The following FMNL2 variants were observed in gnomAD, a reference collection of about 807,000 sequenced individuals.
FMNL2 encodes the protein formin-like protein 2.
FMNL2 carries 51 observed loss-of-function variants against 130.2 expected under a neutral mutation model. That is an observed-to-expected ratio of 0.39 (90% CI 0.31 to 0.49). The LOEUF is 0.49. Among genes scored for constraint, FMNL2 ranks in the 20% least tolerant of loss-of-function variants. The probability of loss-of-function intolerance (pLI) is 0.85; values close to 1 mark genes in which losing one functional copy is unlikely to be tolerated. For missense variants in FMNL2, 977 were observed against 1,316.2 expected (o/e 0.74, Z 3.99); for synonymous variants, 465 against 467.1 (o/e 1.00, Z 0.06).
chr2:152,646,283 G>A (rs940864606), intron 25 of FMNL2, among the ~76,000 whole-genome samples: 1 of 152,126 alleles, frequency 6.6e-6, no homozygotes, highest in Non-Finnish European at 1.5e-5. Context: ...AGTGAGCAGA[G>A]ATCACCACTA....
At chr2:152,408,735 C>T (rs1686131439) in intron 1 of FMNL2, among the ~76,000 whole-genome samples, 1 of 152,118 alleles carries the variant, frequency 6.6e-6, no homozygotes, top group Non-Finnish European at 1.5e-5. Flanking sequence ...TTGGCAAAAC[C>T]ATCTAACACA....
chr2:152,489,067 C>T (rs1032994434), intron 1 of FMNL2, among the ~76,000 whole-genome samples: 1 of 152,146 alleles, frequency 6.6e-6, no homozygotes, highest in East Asian at 1.9e-4. Context: ...AGACCCTGTC[C>T]AGCAGGGTAG....
At chr2:152,566,635 A>G (rs1695855138) in intron 6 of FMNL2, among the ~76,000 whole-genome samples, 1 of 152,222 alleles carries the variant, frequency 6.6e-6, no homozygotes, top group Non-Finnish European at 1.5e-5. Flanking sequence ...GCCAAGGGTT[A>G]AGGATACAGA....
chr2:152,437,022 A>G (rs1389748463), intron 1 of FMNL2, among the ~76,000 whole-genome samples: 1 of 152,190 alleles, frequency 6.6e-6, no homozygotes, highest in Non-Finnish European at 1.5e-5. Flanking sequence ...GTGTCTGGTG[A>G]AGGTATGCTT....
intron 2 of FMNL2, among the ~76,000 whole-genome samples, chr2:152,532,895 A>C (rs1291091036): frequency 6.6e-6 from 1 of 152,192 alleles, no homozygotes. Flanking sequence ...GGTGTGAGCC[A>C]CTGCGCCTGG....
intron 1 of FMNL2, among the ~76,000 whole-genome samples, chr2:152,392,889 G>C (rs1206525181): frequency 6.6e-6 from 1 of 152,092 alleles, no homozygotes; most frequent in African/African-American, 2.4e-5. Context: ...GCTAAGAGTG[G>C]GAGGGGAGAG....
intron 1 of FMNL2, among the ~76,000 whole-genome samples, chr2:152,428,667 G>A (rs770862532): frequency 6.6e-6 from 1 of 152,098 alleles, no homozygotes; most frequent in Admixed American, 6.6e-5. Flanking sequence ...GAATATCTAG[G>A]GAGGTTGAGA....
rs1371958299 is a variant in FMNL2, at chr2:152,456,347, A to G, written c.118-65596A>G. Among the ~76,000 whole-genome samples the G allele has an allele frequency of 3.3e-5, 5 of 152,208 alleles. No homozygotes were observed. In the East Asian group the frequency reaches 9.6e-4, roughly 29 times the overall value. On this transcript the variant is annotated intron_variant, in intron 1 of 25. Coordinates refer to ENST00000288670, the MANE Select transcript of FMNL2 (RefSeq NM_052905.4). ...CTCTTACCTGTTTTAGTGAGTCAGA[A>G]GCAAGAAGAGTGCTAGAATGTTGAT... is the stretch of plus-strand genomic sequence containing the variant.
intron 1 of FMNL2, among the ~76,000 whole-genome samples, chr2:152,344,398 T>C (rs1443862310): frequency 6.6e-6 from 1 of 151,902 alleles, no homozygotes; most frequent in Non-Finnish European, 1.5e-5. Context: ...ATGAGTGTAA[T>C]AGAAAAGGGA....
chr2:152,359,396 C>G (rs1683028906), intron 1 of FMNL2, among the ~76,000 whole-genome samples: 5 of 151,978 alleles, frequency 3.3e-5, no homozygotes, highest in Admixed American at 1.3e-4. Context: ...TTTGAGTCCC[C>G]TGGCTCCTAA....
chr2:152,531,981 G>A (rs1033093294), intron 2 of FMNL2, among the ~76,000 whole-genome samples: 8 of 152,120 alleles, frequency 5.3e-5, no homozygotes, highest in African/African-American at 1.4e-4. Context: ...CAGTGAAGTC[G>A]TATTAATGGT....
chr2:152,412,449 TATATATATATATATATATATATATA>T (rs1558840738), intron 1 of FMNL2, among the ~76,000 whole-genome samples: 161 of 10,340 alleles, frequency 0.016, 5 homozygotes, highest in East Asian at 0.043. Context: ...GTATATTTTA[TATATATATATATATATATATATATA>T]TATATATATA....
chr2:152,635,829 C>T (rs752629306), intron 21 of FMNL2, among the ~76,000 whole-genome samples: 2 of 152,180 alleles, frequency 1.3e-5, no homozygotes, highest in Non-Finnish European at 2.9e-5. Context: ...TCAATACAAC[C>T]TATGGTCAAC....
At chr2:152,602,121 A>T (rs886191298) in intron 9 of FMNL2, among the ~76,000 whole-genome samples, 1 of 152,190 alleles carries the variant, frequency 6.6e-6, no homozygotes, top group African/African-American at 2.4e-5. Context: ...TTCTACCCTT[A>T]TAGCCCTTTA....
Position 152,619,637 on chromosome 2 carries a change from C to T in FMNL2, c.1756C>T (p.Pro586Ser). The change falls in exon 15 of 26, where the codon CCC becomes TCC. Residue 586 changes from proline to serine, a missense_variant. Pro to Ser is a moderately conservative substitution (Grantham distance 74, BLOSUM62 -1). Transcript: ENST00000288670. ...GPAAETVPAP[P>S]LAPPLPSAPP... ...TGCAGCTGAGACTGTACCAGCTCCTCCCTTAGCACCTCCCCTTCCCTCTGC... is the reference window on the plus strand; with the variant it reads ...TGCAGCTGAGACTGTACCAGCTCCTTCCTTAGCACCTCCCCTTCCCTCTGC... 4 of 1,609,784 alleles carry T rather than the reference C, an allele frequency of 2.5e-6. No homozygotes were observed. Among genetic ancestry groups the T allele is most frequent in the Non-Finnish European group, 3.4e-6 (4 of 1,178,588 alleles).
chr2:152,532,293 T>C (rs1457280712), intron 2 of FMNL2, among the ~76,000 whole-genome samples: 3 of 152,342 alleles, frequency 2.0e-5, no homozygotes, highest in East Asian at 1.9e-4. Context: ...TTTTTAATTA[T>C]TTTTATTGAG....
chr2:152,475,464 A>G (rs1212885433), intron 1 of FMNL2, among the ~76,000 whole-genome samples: 2 of 151,922 alleles, frequency 1.3e-5, no homozygotes, highest in Non-Finnish European at 2.9e-5. Context: ...TGCTAAAAGA[A>G]TAGTTTTTTT....
At chr2:152,448,792 T>C (rs1244454833) in intron 1 of FMNL2, among the ~76,000 whole-genome samples, 1 of 152,238 alleles carries the variant, frequency 6.6e-6, no homozygotes. Flanking sequence ...AAGAAAATCC[T>C]TGGAGAGTGC....
intron 2 of FMNL2, among the ~76,000 whole-genome samples, chr2:152,529,637 T>C (rs553573041): frequency 6.6e-6 from 1 of 152,268 alleles, no homozygotes; most frequent in Admixed American, 6.5e-5. Flanking sequence ...CTTTTGGAGT[T>C]TTGGAAAGTT....
Sources: allele counts gnomAD v4.1 joint callset (sites outside exome capture counted in the v4.1 genomes callset), GRCh38; gene constraint gnomAD v4.1.1; transcripts MANE v1.5; gene names NCBI Gene and HGNC (gene_info 2026-07-23, HGNC 2026-07-21).